The following PCDH9 variants were observed in gnomAD, a reference collection of about 807,000 sequenced individuals.
PCDH9 encodes protocadherin-9.
A neutral mutation model predicts 70.6 loss-of-function variants in PCDH9; 24 were observed. The observed-to-expected ratio is 0.34, with a 90% CI of 0.25 to 0.48. The LOEUF (loss-of-function observed/expected upper bound fraction) is 0.48. Ranked by LOEUF, PCDH9 falls within the 20% of genes least tolerant of loss-of-function variation. The pLI, the probability that PCDH9 is intolerant of heterozygous loss-of-function variation, is 0.99. For synonymous variants in PCDH9, 562 were observed against 558.5 expected, an observed-to-expected ratio of 1.01 and a Z score of -0.09; for missense variants, 1,281 against 1,503.6, an observed-to-expected ratio of 0.85 and a Z score of 2.45.
At chr13:67,187,245 A>G (rs776238346) in intron 2 of PCDH9, among the ~76,000 whole-genome samples, 3 of 152,146 alleles carry the variant, frequency 2.0e-5, no homozygotes, top group Non-Finnish European at 2.9e-5. Context: ...TGCCTCTCTG[A>G]TCCTCCTAGT....
chr13:66,967,608 A>T lies in PCDH9; in HGVS notation c.3037-64003T>A, dbSNP rs181836659. On this transcript the variant is annotated intron_variant, in intron 2 of 4. Coordinates refer to ENST00000377865, the MANE Select transcript of PCDH9 (RefSeq NM_203487.3). ...AATCCATAGATAAGTCCAATACAAG[A>T]CTATAACACTGAATGCAAAATAACA... Among the ~76,000 whole-genome samples the T allele has an allele frequency of 8.1e-3, 1,236 of 152,086 alleles. 5 individuals are homozygous for T. Among genetic ancestry groups the T allele is most frequent in the Non-Finnish European group, 0.014 (979 of 67,972 alleles).
At chr13:67,069,651 C>G (rs2085720584) in intron 2 of PCDH9, among the ~76,000 whole-genome samples, 1 of 152,044 alleles carries the variant, frequency 6.6e-6, no homozygotes, top group Non-Finnish European at 1.5e-5. Context: ...TATAATTGAC[C>G]ATCTCCTTTC....
chr13:66,512,181 G>C (rs116427191), intron 4 of PCDH9, among the ~76,000 whole-genome samples: 2,231 of 151,294 alleles, frequency 0.015, 43 homozygotes, highest in African/African-American at 0.052. Flanking sequence ...ACCACATTTA[G>C]GTGGCTTCAT....
At chr13:66,698,584 A>G (rs2078593954) in intron 3 of PCDH9, among the ~76,000 whole-genome samples, 1 of 151,976 alleles carries the variant, frequency 6.6e-6, no homozygotes, top group African/African-American at 2.4e-5. Flanking sequence ...GTTTTATTTT[A>G]TTTTATTAAT....
chr13:66,559,389 A>G (rs1412853928), intron 4 of PCDH9, among the ~76,000 whole-genome samples: 36 of 152,208 alleles, frequency 2.4e-4, no homozygotes, highest in Non-Finnish European at 2.6e-4. Flanking sequence ...GTATTTTATT[A>G]TATGTTGTCT....
At chr13:67,073,290 AG>A (rs2085805107) in intron 2 of PCDH9, among the ~76,000 whole-genome samples, 2 of 152,148 alleles carry the variant, frequency 1.3e-5, no homozygotes. Context: ...TGTCCCAAGA[AG>A]TGTTATTGAC....
Position 67,226,714 on chromosome 13 carries a change from T to G in PCDH9, c.1727A>C (p.His576Pro). Residue 576 changes from histidine (H) to proline (P), a missense_variant, in exon 2 of 5, where the codon CAT (histidine) becomes CCT (proline). By Grantham distance (77) the His-to-Pro change is moderately conservative. Around this residue, in one of 4 missense-constraint regions of PCDH9, gnomAD observed 798 missense variants for 1,003.1 expected, o/e 0.80. Coordinates refer to ENST00000377865, the MANE Select transcript of PCDH9 (RefSeq NM_203487.3). The surrounding 1 kb of genome is among the most constrained non-coding windows in gnomAD (Gnocchi z 5.0). ...NDNSPKFTHN[H>P]FQFFVSENLP... The stretch of plus-strand genomic sequence containing the variant: ...ATTCTCAGACACAAAAAATTGAAAA[T>G]GATTATGAGTAAACTTGGGGCTATT... 1 of 1,614,090 alleles carries G rather than the reference T, an allele frequency of 6.2e-7. No individual in the cohort carries two copies. The highest frequency in any genetic ancestry group is 8.5e-7 in the Non-Finnish European group (1 of 1,180,006).
chr13:67,142,095 A>T (rs1178786469), intron 2 of PCDH9, among the ~76,000 whole-genome samples: 2 of 152,194 alleles, frequency 1.3e-5, no homozygotes, highest in African/African-American at 4.8e-5. Flanking sequence ...TTTTCCTGAT[A>T]TGAGAACCTG....
chr13:66,435,224 T>C (rs1957847025), intron 4 of PCDH9, among the ~76,000 whole-genome samples: 1 of 152,164 alleles, frequency 6.6e-6, no homozygotes, highest in Non-Finnish European at 1.5e-5. Context: ...CTATAAATTG[T>C]TGTGTCTTTG....
At chr13:66,892,297 C>T (rs529623984) in intron 3 of PCDH9, among the ~76,000 whole-genome samples, 1 of 149,680 alleles carries the variant, frequency 6.7e-6, no homozygotes, top group Admixed American at 6.7e-5. Flanking sequence ...TAAGTAGTTA[C>T]CTTTATCAAG....
At chr13:66,322,053 T>TGGGG (rs369636458) in intron 4 of PCDH9, among the ~76,000 whole-genome samples, 7 of 151,180 alleles carry the variant, frequency 4.6e-5, no homozygotes, top group African/African-American at 1.7e-4. Flanking sequence ...TTTGGATGCA[T>TGGGG]GGGGGGGGTG....
rs906501777 is a variant in PCDH9, at chr13:67,194,867, C to A, written c.3036+30538G>T. 5.0e-4 allele frequency among the ~76,000 whole-genome samples: 76 copies of A among 152,138 alleles called. 1 individual carries two copies. Among genetic ancestry groups the A allele is most frequent in the African/African-American group, 1.8e-3 (74 of 41,524 alleles). ...AATATAGGAACAAAACAAAATAAAA[C>A]AAAAATGTTTCAAACAAATAACAAA... On this transcript the variant is annotated intron_variant, in intron 2 of 4. Coordinates refer to ENST00000377865, the MANE Select transcript of PCDH9 (RefSeq NM_203487.3).
intron 2 of PCDH9, among the ~76,000 whole-genome samples, chr13:67,163,176 A>G (rs1194229370): frequency 6.6e-6 from 1 of 152,210 alleles, no homozygotes; most frequent in African/African-American, 2.4e-5. Context: ...AGAAGCCCAC[A>G]CAGATCTCAC....
At chr13:66,983,971 AG>A (rs1945328906) in intron 2 of PCDH9, among the ~76,000 whole-genome samples, 2 of 152,230 alleles carry the variant, frequency 1.3e-5, no homozygotes, top group Middle Eastern at 3.4e-3. Flanking sequence ...TCTTTGTAAA[AG>A]TTCTCATCCT....
chr13:67,012,606 A>G (rs2084472227), intron 2 of PCDH9, among the ~76,000 whole-genome samples: 1 of 151,938 alleles, frequency 6.6e-6, no homozygotes, highest in Non-Finnish European at 1.5e-5. Flanking sequence ...CAGCAAGACT[A>G]CAAATACGTT....
chr13:67,180,508 A>C (rs2088587651), intron 2 of PCDH9, among the ~76,000 whole-genome samples: 1 of 152,178 alleles, frequency 6.6e-6, no homozygotes, highest in South Asian at 2.1e-4. Context: ...GTATTAAATC[A>C]AACCATCACA....
intron 4 of PCDH9, among the ~76,000 whole-genome samples, chr13:66,405,337 T>C (rs541653661): frequency 9.8e-5 from 15 of 152,346 alleles, no homozygotes; most frequent in African/African-American, 3.1e-4. Flanking sequence ...GTTGCTGTGA[T>C]AGCAAAATTT....
At chr13:66,877,238 T>C (rs2081830105) in intron 3 of PCDH9, among the ~76,000 whole-genome samples, 1 of 150,040 alleles carries the variant, frequency 6.7e-6, no homozygotes, top group African/African-American at 2.5e-5. Flanking sequence ...GCCTAATTCA[T>C]AGTCAAAACT....
At chr13:66,517,869 G>T (rs1959811595) in intron 4 of PCDH9, among the ~76,000 whole-genome samples, 1 of 152,074 alleles carries the variant, frequency 6.6e-6, no homozygotes, top group African/African-American at 2.4e-5. Flanking sequence ...GAAAAATAAT[G>T]AATGCTTGCA....
Sources: gnomAD v4.1 joint callset for allele counts (sites outside exome capture counted in the v4.1 genomes callset) on GRCh38, gnomAD v4.1.1 for gene constraint, gnomAD v4.1.1 regional missense constraint, Gnocchi (gnomAD v3.1) non-coding constraint, MANE v1.5 for transcripts, NCBI Gene and HGNC (gene_info 2026-07-23, HGNC 2026-07-21) for gene names.